Variants in HS6ST3 observed in about 807,000 individuals in gnomAD.
HS6ST3 encodes the protein heparan sulfate 6-O-sulfotransferase 3.
HS6ST3 carries 12 observed loss-of-function variants against 36.7 expected under a neutral mutation model. The ratio of observed to expected loss-of-function variants is 0.33; its 90% CI spans 0.21 to 0.53. The LOEUF (loss-of-function observed/expected upper bound fraction) is 0.53. Ranked by LOEUF, HS6ST3 falls within the 20% of genes least tolerant of loss-of-function variation. HS6ST3 has a pLI of 0.95. For synonymous variants in HS6ST3, 240 were observed against 257.5 expected (o/e 0.93, Z 0.65); for missense variants, 584 against 640.9 (o/e 0.91, Z 0.96).
intron 1 of HS6ST3, among the ~76,000 whole-genome samples, chr13:96,449,873 G>A (rs746707294): frequency 5.9e-5 from 9 of 152,094 alleles, no homozygotes; most frequent in Admixed American, 2.0e-4. Context: ...TAAAAATGAT[G>A]ATAGAATTTA....
chr13:96,716,307 A>G (rs1229860259), intron 1 of HS6ST3, among the ~76,000 whole-genome samples: 1 of 152,168 alleles, frequency 6.6e-6, no homozygotes, highest in Non-Finnish European at 1.5e-5. Flanking sequence ...CTAGATGTCT[A>G]AAGCCTAGAA....
At chr13:96,175,726 CTT>C (rs2054209920) in intron 1 of HS6ST3, among the ~76,000 whole-genome samples, 2 of 149,024 alleles carry the variant, frequency 1.3e-5, no homozygotes, top group Non-Finnish European at 3.0e-5. Flanking sequence ...AATTTCCCCT[CTT>C]GTTCTCTTAC....
At chr13:96,638,761 A>C (rs953836948) in intron 1 of HS6ST3, among the ~76,000 whole-genome samples, 5 of 151,974 alleles carry the variant, frequency 3.3e-5, no homozygotes, top group African/African-American at 9.7e-5. Context: ...TTTTAAAATA[A>C]ATTACCCAGT....
At chr13:96,722,601 C>G (rs988631639) in intron 1 of HS6ST3, among the ~76,000 whole-genome samples, 1 of 152,188 alleles carries the variant, frequency 6.6e-6, no homozygotes, top group African/African-American at 2.4e-5. Context: ...CAGTAACTTA[C>G]TTGAACTCTG....
intron 1 of HS6ST3, among the ~76,000 whole-genome samples, chr13:96,575,660 A>G (rs2056317988): frequency 6.6e-6 from 1 of 152,202 alleles, no homozygotes; most frequent in African/African-American, 2.4e-5. Context: ...CACCAGGGCA[A>G]ATTTCCAAAT....
intron 1 of HS6ST3, among the ~76,000 whole-genome samples, chr13:96,310,010 T>A (rs1305121421): frequency 6.6e-6 from 1 of 152,138 alleles, no homozygotes; most frequent in Non-Finnish European, 1.5e-5. Context: ...ACAAGAAAGA[T>A]GTCCTTGAAT....
chr13:96,831,537 G>A lies in HS6ST3; in HGVS notation c.708-953G>A, dbSNP rs911646704. On this transcript the variant is annotated intron_variant, in intron 1 of 1. Transcript: ENST00000376705. The stretch of plus-strand genomic sequence containing the variant: ...TTGTCTTGAGGATCATCTGTGCAAA[G>A]CATCCATAAAGCATGTAGCACAGTT... Among the ~76,000 whole-genome samples, 4 of 152,262 alleles carry A rather than the reference G, an allele frequency of 2.6e-5. No homozygotes were observed. In the East Asian group the frequency reaches 5.8e-4, roughly 22 times the overall value.
intron 1 of HS6ST3, among the ~76,000 whole-genome samples, chr13:96,183,265 C>T (rs956498159): frequency 6.6e-6 from 1 of 151,982 alleles, no homozygotes; most frequent in African/African-American, 2.4e-5. Flanking sequence ...AAGAGGTATA[C>T]CTTCATGTTT....
intron 1 of HS6ST3, among the ~76,000 whole-genome samples, chr13:96,388,545 A>G (rs962847213): frequency 2.0e-5 from 3 of 152,218 alleles, no homozygotes; most frequent in Non-Finnish European, 4.4e-5. Flanking sequence ...GTATACGAAT[A>G]TACCTACAAT....
At chr13:96,523,232 C>T (rs765255433) in intron 1 of HS6ST3, among the ~76,000 whole-genome samples, 5 of 152,116 alleles carry the variant, frequency 3.3e-5, no homozygotes, top group East Asian at 1.9e-4. Context: ...GAGAGGGATC[C>T]GCTGCTAGTC....
At chr13:96,175,499 G>GT (rs987213169) in intron 1 of HS6ST3, among the ~76,000 whole-genome samples, 11 of 151,590 alleles carry the variant, frequency 7.3e-5, no homozygotes, top group African/African-American at 1.9e-4. Context: ...GGAAGTGATT[G>GT]TTTTTTTAAA....
At chr13:96,266,045 A>AT (rs909351187) in intron 1 of HS6ST3, among the ~76,000 whole-genome samples, 18 of 151,178 alleles carry the variant, frequency 1.2e-4, no homozygotes, top group African/African-American at 2.9e-4. Flanking sequence ...TTGCAGGGTT[A>AT]TTTTTTTTTA....
chr13:96,217,758 G>A (rs1282438481), intron 1 of HS6ST3, among the ~76,000 whole-genome samples: 1 of 152,144 alleles, frequency 6.6e-6, no homozygotes, highest in Admixed American at 6.5e-5. Flanking sequence ...ATGTTTGTGT[G>A]TGTGACTATG....
At chr13:96,479,078 C>A (rs1192823166) in intron 1 of HS6ST3, among the ~76,000 whole-genome samples, 2 of 152,196 alleles carry the variant, frequency 1.3e-5, no homozygotes, top group Non-Finnish European at 2.9e-5. Context: ...TGTCAAGGAG[C>A]TCTCCTGGCA....
intron 1 of HS6ST3, among the ~76,000 whole-genome samples, chr13:96,370,308 A>G (rs976819691): frequency 6.6e-6 from 1 of 152,166 alleles, no homozygotes; most frequent in Non-Finnish European, 1.5e-5. Context: ...AAAACTGTTT[A>G]TATGCAGCTT....
intron 1 of HS6ST3, among the ~76,000 whole-genome samples, chr13:96,160,709 G>A (rs1289134975): frequency 1.3e-5 from 2 of 152,194 alleles, no homozygotes; most frequent in Non-Finnish European, 2.9e-5. Flanking sequence ...GAGGCAAAAT[G>A]TGGTGTTTAA....
chr13:96,348,114 G>C (rs1275208788), intron 1 of HS6ST3, among the ~76,000 whole-genome samples: 2 of 152,184 alleles, frequency 1.3e-5, no homozygotes, highest in African/African-American at 4.8e-5. Flanking sequence ...AAAAATATGG[G>C]AAGAGGTACT....
chr13:96,784,947 C>T (rs1391258857), intron 1 of HS6ST3, among the ~76,000 whole-genome samples: 2 of 152,156 alleles, frequency 1.3e-5, no homozygotes, highest in Admixed American at 1.3e-4. Context: ...GCAGGCAGAT[C>T]GCTTGAGGTC....
intron 1 of HS6ST3, among the ~76,000 whole-genome samples, chr13:96,300,047 CTTTTTTTTT>C (rs11350737): frequency 1.6e-4 from 12 of 74,576 alleles, no homozygotes; most frequent in African/African-American, 5.4e-4. Flanking sequence ...AAGTGCTACA[CTTTTTTTTT>C]TTTTTTTTTT....
Sources: allele counts gnomAD v4.1 joint callset (sites outside exome capture counted in the v4.1 genomes callset), GRCh38; gene constraint gnomAD v4.1.1; transcripts MANE v1.5; gene names NCBI Gene and HGNC (gene_info 2026-07-23, HGNC 2026-07-21).